The following C12orf54 variants were observed in gnomAD, a reference collection of about 807,000 sequenced individuals.
C12orf54 encodes uncharacterized protein C12orf54.
In C12orf54, 24 loss-of-function variants were observed where a neutral mutation model predicts 26.4. The observed-to-expected ratio is 0.91, with a 90% CI of 0.66 to 1.28. C12orf54 has a LOEUF of 1.28. Among genes scored for constraint, C12orf54 ranks in the 50% most tolerant of loss-of-function variants. The pLI is 0.00. For missense variants in C12orf54, 154 were observed against 150.9 expected, an observed-to-expected ratio of 1.02 and a Z score of -0.11; for synonymous variants, 54 against 47.0, an observed-to-expected ratio of 1.15 and a Z score of -0.61.
the C12orf54 span, among the ~76,000 whole-genome samples, chr12:48,437,778 A>C: frequency 2.0e-5 from 3 of 152,184 alleles, no homozygotes; most frequent in Non-Finnish European, 4.4e-5. Context: ...TATCTATGAC[A>C]AACCCACAGC....
At chr12:48,471,611 A>G in the C12orf54 span, among the ~76,000 whole-genome samples, 1 of 152,102 alleles carries the variant, frequency 6.6e-6, no homozygotes, top group Admixed American at 6.5e-5. Flanking sequence ...TCCTTTCCCC[A>G]TTGCTTGTTT....
At chr12:48,439,976 G>A in the C12orf54 span, among the ~76,000 whole-genome samples, 2 of 152,144 alleles carry the variant, frequency 1.3e-5, no homozygotes, top group Admixed American at 1.3e-4. Flanking sequence ...TGTAATCCCA[G>A]CACCTTGGGA....
At chr12:48,485,341 G>A (rs1254486137) in intron 2 of C12orf54, among the ~76,000 whole-genome samples, 2 of 152,126 alleles carry the variant, frequency 1.3e-5, no homozygotes, top group African/African-American at 4.8e-5. Context: ...TGTTGCCCAA[G>A]CTGGTCTTGA....
intron 5 of C12orf54, among the ~76,000 whole-genome samples, chr12:48,489,958 G>C (rs938576897): frequency 6.6e-6 from 1 of 151,896 alleles, no homozygotes; most frequent in African/African-American, 2.4e-5. Context: ...CTGACCTCAG[G>C]TGATCCACCC....
At chr12:48,486,109 A>G (rs1234197463) in intron 2 of C12orf54, 69 bp from the exon 3 acceptor site, 2 of 1,418,070 alleles carry the variant, frequency 1.4e-6, no homozygotes, top group Non-Finnish European at 2.0e-6. Context: ...GTGATAGAAT[A>G]GAGTTAGGAG....
At chr12:48,415,948 T>A in the C12orf54 span, among the ~76,000 whole-genome samples, 1 of 152,212 alleles carries the variant, frequency 6.6e-6, no homozygotes, top group African/African-American at 2.4e-5. Flanking sequence ...CTGACTTCAG[T>A]AAATGATGTA....
chr12:48,489,653 G>A (rs995452313), intron 5 of C12orf54, among the ~76,000 whole-genome samples: 1 of 151,984 alleles, frequency 6.6e-6, no homozygotes. Context: ...CTGGACTCAA[G>A]CCATCTGCCA....
chr12:48,435,113 T>G, the C12orf54 span, among the ~76,000 whole-genome samples: 1 of 151,928 alleles, frequency 6.6e-6, no homozygotes, highest in Admixed American at 6.6e-5. Context: ...ACCTGACAAA[T>G]GCACAAGCCT....
intron 5 of C12orf54, 162 bp downstream of exon 5, chr12:48,489,118 A>T: frequency 1.3e-6 from 1 of 795,644 alleles, no homozygotes; most frequent in Non-Finnish European, 2.2e-6. Flanking sequence ...TTGTCAGTCC[A>T]GGCGGCTAAG....
chr12:48,414,677 C>G, the C12orf54 span, among the ~76,000 whole-genome samples: 1 of 152,250 alleles, frequency 6.6e-6, no homozygotes, highest in South Asian at 2.1e-4. Flanking sequence ...AATCTGGGCC[C>G]TAAGTTGCTG....
chr12:48,473,264 G>C, the C12orf54 span: 6 of 1,081,418 alleles, frequency 5.5e-6, no homozygotes, highest in South Asian at 7.9e-5. Context: ...AACGTGAAGA[G>C]GAGGACGTGA....
chr12:48,490,375 G>T (rs2731100), intron 5 of C12orf54, among the ~76,000 whole-genome samples: 1 of 152,080 alleles, frequency 6.6e-6, no homozygotes, highest in Non-Finnish European at 1.5e-5. Context: ...TGGCCAGGCA[G>T]GGTGGCCAAA....
chr12:48,457,329 G>GT, the C12orf54 span, among the ~76,000 whole-genome samples: 111 of 151,416 alleles, frequency 7.3e-4, no homozygotes, highest in African/African-American at 2.5e-3. Context: ...TTTTTGTTTA[G>GT]TTTTTTTGTT....
chr12:48,433,880 G>A, the C12orf54 span, among the ~76,000 whole-genome samples: 1 of 152,208 alleles, frequency 6.6e-6, no homozygotes, highest in African/African-American at 2.4e-5. Flanking sequence ...CTGAGGTACT[G>A]GGTTCATCTC....
At chr12:48,415,705 A>G in the C12orf54 span, among the ~76,000 whole-genome samples, 16,672 of 152,044 alleles carry the variant, frequency 0.11, 2,190 homozygotes, top group East Asian at 0.67. Flanking sequence ...TTTTCCTTAG[A>G]TGTTCTATGC....
At chr12:48,480,480 A>C (rs1954187576), upstream of C12orf54, among the ~76,000 whole-genome samples, 1 of 152,214 alleles carries the variant, frequency 6.6e-6, no homozygotes, top group Non-Finnish European at 1.5e-5. Flanking sequence ...ATATGAAAAA[A>C]TGTGCAACAT....
chr12:48,437,812 A>C, the C12orf54 span, among the ~76,000 whole-genome samples: 534 of 152,236 alleles, frequency 3.5e-3, 2 homozygotes, highest in African/African-American at 0.012. Context: ...AATGGACAAA[A>C]ACTGGAAGCA....
intron 3 of C12orf54, 21 bp downstream of exon 3, chr12:48,486,229 C>G (rs768630882): frequency 1.9e-6 from 3 of 1,600,348 alleles, no homozygotes; most frequent in Non-Finnish European, 1.7e-6. Flanking sequence ...TATCCAAATT[C>G]TCTGGATCCT....
At chr12:48,471,885 C>T in the C12orf54 span, among the ~76,000 whole-genome samples, 1 of 152,024 alleles carries the variant, frequency 6.6e-6, no homozygotes, top group Admixed American at 6.6e-5. Context: ...TGATGGATGA[C>T]ATTGGTAATT....
Sources: allele counts gnomAD v4.1 joint callset (sites outside exome capture counted in the v4.1 genomes callset), GRCh38; gene constraint gnomAD v4.1.1; transcripts MANE v1.5; gene names NCBI Gene and HGNC (gene_info 2026-07-23, HGNC 2026-07-21).